Variants in ACOXL observed in about 807,000 individuals in gnomAD.
ACOXL encodes acyl-coenzyme A oxidase-like protein.
A neutral mutation model predicts 71.9 loss-of-function variants in ACOXL; 70 were observed. The ratio of observed to expected loss-of-function variants is 0.97; its 90% CI spans 0.80 to 1.19. The LOEUF is 1.19. Ranked by LOEUF, ACOXL falls within the 50% of genes most tolerant of loss-of-function variation. The probability of loss-of-function intolerance (pLI) is 0.00; values close to 1 mark genes in which losing one functional copy is unlikely to be tolerated. For missense variants in ACOXL, 703 were observed against 736.3 expected (o/e 0.95, Z 0.52); for synonymous variants, 253 against 281.6 (o/e 0.90, Z 1.02).
chr2:110,908,878 C>T lies in ACOXL; in HGVS notation c.878C>T (p.Thr293Ile). ...QTLRLMPHLA[T>I]ALALTFVSRY... ...CTGCGGCTGATGCCCCACCTGGCCA[C>T]AGCCTTGGCCCTGACCTTCGTCAGC... Residue 293 changes from threonine (T) to isoleucine (I), a missense_variant, in exon 11 of 18, where the codon ACA becomes ATA. Physicochemically the swap from Thr to Ile is moderately conservative, Grantham distance 89. Transcript: ENST00000439055. The T allele has an allele frequency of 6.2e-7, 1 of 1,613,976 alleles. No homozygotes were observed. The highest frequency in any genetic ancestry group is 1.3e-5 in the African/African-American group (1 of 75,060).
intron 11 of ACOXL, among the ~76,000 whole-genome samples, chr2:110,919,227 T>C (rs2059975289): frequency 6.6e-6 from 1 of 152,060 alleles, no homozygotes; most frequent in Admixed American, 6.5e-5. Context: ...TATGCAGCCA[T>C]GAAAAAGGAT....
intron 17 of ACOXL, among the ~76,000 whole-genome samples, chr2:111,116,792 G>A (rs75631849): frequency 0.017 from 2,595 of 149,820 alleles, 73 homozygotes; most frequent in African/African-American, 0.062. Flanking sequence ...AATCTTATTA[G>A]TTTGGTAGCT....
intron 14 of ACOXL, among the ~76,000 whole-genome samples, chr2:111,001,183 A>G (rs1210453657): frequency 6.6e-6 from 1 of 152,190 alleles, no homozygotes; most frequent in Non-Finnish European, 1.5e-5. Flanking sequence ...AGCCTTCTCA[A>G]CACCCCCAAG....
chr2:111,037,870 T>C (rs1303514575), intron 15 of ACOXL, among the ~76,000 whole-genome samples: 1 of 152,150 alleles, frequency 6.6e-6, no homozygotes, highest in Non-Finnish European at 1.5e-5. Context: ...AGAATGGGGG[T>C]TCTGGTGTTC....
chr2:110,983,894 G>A (rs62161500), intron 12 of ACOXL, among the ~76,000 whole-genome samples: 1 of 152,090 alleles, frequency 6.6e-6, no homozygotes, highest in Non-Finnish European at 1.5e-5. Flanking sequence ...CTGTCGCCCA[G>A]GCTGGAGTGC....
In ACOXL at chr2:110,987,215, C is replaced by A; in HGVS notation, c.1167C>A (p.Thr389=). 1 of 1,567,906 alleles carries A rather than the reference C, an allele frequency of 6.4e-7. No homozygotes were observed. Among genetic ancestry groups the A allele is most frequent in the Non-Finnish European group, 8.7e-7 (1 of 1,153,818 alleles). The change falls in exon 13 of 18, where the codon ACC becomes ACA. Residue 389 remains threonine (T), a splice_region_variant and synonymous_variant. Coordinates refer to ENST00000439055, the MANE Select transcript of ACOXL (RefSeq NM_001142807.4). ...AATCTGTGGGGGACAAGCTGAGAAC[C>A]AGGTACGTATTACTCAGGCCATCAT... The part of the protein sequence containing the change: ...WAESVGDKLR[T]SFLAFNMDTV...
chr2:110,798,003 A>G (rs1488032614), intron 5 of ACOXL, among the ~76,000 whole-genome samples: 2 of 152,184 alleles, frequency 1.3e-5, no homozygotes, highest in African/African-American at 4.8e-5. Flanking sequence ...TGGGAGGGAG[A>G]GAACAAACAC....
At chr2:110,759,578 T>G (rs62162649) in intron 1 of ACOXL, among the ~76,000 whole-genome samples, 4 of 152,184 alleles carry the variant, frequency 2.6e-5, no homozygotes, top group African/African-American at 7.2e-5. Flanking sequence ...TGCACATGGA[T>G]AGGTCTCTTG....
intron 10 of ACOXL, among the ~76,000 whole-genome samples, chr2:110,880,294 C>A (rs6542188): frequency 0.32 from 48,959 of 151,864 alleles, 8,109 homozygotes; most frequent in Middle Eastern, 0.39. Flanking sequence ...TCCCAGCGTG[C>A]TAGTCCTAGT....
chr2:110,871,824 A>G (rs1695318855), intron 10 of ACOXL, among the ~76,000 whole-genome samples: 1 of 152,150 alleles, frequency 6.6e-6, no homozygotes, highest in Non-Finnish European at 1.5e-5. Context: ...ACCTGGGAGC[A>G]AGGGGACGCT....
rs924081669 is a variant in ACOXL at position 110,870,867 on chromosome 2, T to C, written c.788+29462T>C. ...CCCATATAGGGGTCACCAAGCCTGC[T>C]GACTGTGACACGTGGAGTTTTGGTT... On this transcript the variant is annotated intron_variant, in intron 10 of 17. Transcript: ENST00000439055. Among the ~76,000 whole-genome samples the C allele has an allele frequency of 1.1e-4, 17 of 152,338 alleles. No homozygotes were observed. In the East Asian group the frequency reaches 3.1e-3, roughly 28 times the overall value.
At chr2:110,845,454 A>C (rs914479806) in intron 10 of ACOXL, among the ~76,000 whole-genome samples, 1 of 152,176 alleles carries the variant, frequency 6.6e-6, no homozygotes, top group Non-Finnish European at 1.5e-5. Flanking sequence ...GCACCATTTT[A>C]ACCATTTTTA....
intron 1 of ACOXL, among the ~76,000 whole-genome samples, chr2:110,755,533 A>AT (rs1478474270): frequency 6.6e-6 from 1 of 152,248 alleles, no homozygotes; most frequent in African/African-American, 2.4e-5. Flanking sequence ...TAAAATCCTG[A>AT]TTTTTCCGCG....
intron 2 of ACOXL, among the ~76,000 whole-genome samples, chr2:110,782,721 A>C (rs1412642470): frequency 6.6e-6 from 1 of 151,058 alleles, no homozygotes; most frequent in Admixed American, 6.6e-5. Context: ...ATTAATGGCA[A>C]AGTCATACTC....
intron 9 of ACOXL, among the ~76,000 whole-genome samples, chr2:110,835,198 A>G (rs1263171815): frequency 6.6e-6 from 1 of 152,122 alleles, no homozygotes; most frequent in East Asian, 1.9e-4. Flanking sequence ...AAGAGCCTAC[A>G]TATTATATTT....
At chr2:111,009,009 T>C (rs921823408) in intron 14 of ACOXL, among the ~76,000 whole-genome samples, 1 of 152,234 alleles carries the variant, frequency 6.6e-6, no homozygotes, top group African/African-American at 2.4e-5. Context: ...TTTGTCATAT[T>C]GAAAAAATTT....
chr2:110,984,066 G>T (rs2062829752), intron 12 of ACOXL, among the ~76,000 whole-genome samples: 1 of 152,088 alleles, frequency 6.6e-6, no homozygotes, highest in African/African-American at 2.4e-5. Flanking sequence ...GGCTGGTCTC[G>T]AACTCCTGAC....
chr2:111,066,346 AC>A (rs2067071009), intron 16 of ACOXL, among the ~76,000 whole-genome samples: 1 of 152,208 alleles, frequency 6.6e-6, no homozygotes, highest in African/African-American at 2.4e-5. Flanking sequence ...TGGAGAGATA[AC>A]AGATTAGTGG....
At chr2:111,042,664 G>A (rs1459751148) in intron 15 of ACOXL, among the ~76,000 whole-genome samples, 1 of 152,234 alleles carries the variant, frequency 6.6e-6, no homozygotes, top group Non-Finnish European at 1.5e-5. Context: ...GCCAGGGTGG[G>A]TCGTGAGGTG....
Sources: gnomAD v4.1 joint callset for allele counts (sites outside exome capture counted in the v4.1 genomes callset) on GRCh38, gnomAD v4.1.1 for gene constraint, MANE v1.5 for transcripts, NCBI Gene and HGNC (gene_info 2026-07-23, HGNC 2026-07-21) for gene names.